The following THNSL1 variants were observed in gnomAD, a reference collection of about 807,000 sequenced individuals.
The protein encoded by THNSL1 is threonine synthase-like 1.
THNSL1 carries 48 observed loss-of-function variants against 50.4 expected under a neutral mutation model. The observed-to-expected ratio is 0.95, with a 90% CI of 0.76 to 1.21. THNSL1 has a LOEUF of 1.21. Among genes scored for constraint, THNSL1 ranks in the 50% most tolerant of loss-of-function variants. The pLI is 0.00. For synonymous variants in THNSL1, 309 were observed against 306.1 expected (o/e 1.01, Z -0.10); for missense variants, 896 against 871.7 (o/e 1.03, Z -0.35).
chr10:24,962,599 AC>A, the THNSL1 span, among the ~76,000 whole-genome samples: 2 of 152,210 alleles, frequency 1.3e-5, no homozygotes, highest in African/African-American at 4.8e-5. Flanking sequence ...AAGAAGTGTA[AC>A]ATACATGTTG....
the THNSL1 span, among the ~76,000 whole-genome samples, chr10:24,960,289 G>A: frequency 6.6e-6 from 1 of 152,118 alleles, no homozygotes; most frequent in African/African-American, 2.4e-5. Context: ...CAAAGGTATG[G>A]GCATACTGGG....
At chr10:24,998,997 T>TGGTAGTAATG in the THNSL1 span, among the ~76,000 whole-genome samples, 1 of 152,206 alleles carries the variant, frequency 6.6e-6, no homozygotes. Context: ...CTTCAACAAC[T>TGGTAGTAATG]GGTAGTAATG....
At chr10:25,020,270 A>ATATCTG (rs893036021) in intron 1 of THNSL1, among the ~76,000 whole-genome samples, 1 of 137,272 alleles carries the variant, frequency 7.3e-6, no homozygotes, top group African/African-American at 2.5e-5. Context: ...ATCTATATCT[A>ATATCTG]TATCTATATA....
the THNSL1 span, among the ~76,000 whole-genome samples, chr10:25,009,120 A>C: frequency 6.6e-6 from 1 of 152,012 alleles, no homozygotes; most frequent in African/African-American, 2.4e-5. Context: ...GTGGGAGGAG[A>C]GGGGAGGGAT....
At chr10:24,999,752 G>T in the THNSL1 span, among the ~76,000 whole-genome samples, 1 of 152,088 alleles carries the variant, frequency 6.6e-6, no homozygotes, top group African/African-American at 2.4e-5. Flanking sequence ...GAGGTGCTAG[G>T]GCAAAAGTGT....
the THNSL1 span, among the ~76,000 whole-genome samples, chr10:25,009,091 C>CA: frequency 2.6e-5 from 4 of 152,096 alleles, no homozygotes; most frequent in Admixed American, 6.6e-5. Context: ...GAACATCACA[C>CA]ACCGGGGACT....
the THNSL1 span, among the ~76,000 whole-genome samples, chr10:24,954,841 A>G: frequency 1.3e-5 from 2 of 152,224 alleles, no homozygotes; most frequent in African/African-American, 2.4e-5. Context: ...CCCAAATAGT[A>G]TTTGCAAAGA....
In THNSL1 at chr10:25,024,176, A is replaced by G. The variant is rs1480107624; in HGVS notation, c.953A>G (p.Tyr318Cys). 1.3e-5 allele frequency: 21 copies of G among 1,614,122 alleles called. No individual in the cohort carries two copies. Among genetic ancestry groups the G allele is most frequent in the Non-Finnish European group, 1.8e-5 (21 of 1,180,042 alleles). Reference protein sequence around the residue: ...ARLGEMIETAYGENFACSKIA... With the variant: ...ARLGEMIETACGENFACSKIA... ...TTGGGAGAAATGATTGAAACTGCTT[A>G]TGGGGAAAACTTTGCCTGCTCAAAA... The change falls in exon 3 of 3, where the codon TAT (tyrosine) becomes TGT (cysteine). Residue 318 changes from tyrosine to cysteine, a missense_variant. Transcript: ENST00000376356.
At chr10:24,955,984 G>A in the THNSL1 span, among the ~76,000 whole-genome samples, 82 of 151,982 alleles carry the variant, frequency 5.4e-4, 1 homozygote, top group African/African-American at 1.9e-3. Flanking sequence ...AAAGATTGAC[G>A]TAAGGTGACC....
chr10:24,975,211 A>C, the THNSL1 span, among the ~76,000 whole-genome samples: 2 of 152,200 alleles, frequency 1.3e-5, no homozygotes, highest in Non-Finnish European at 2.9e-5. Context: ...AACCTACGTT[A>C]GTCCAAAACA....
the THNSL1 span, chr10:24,995,800 C>T: frequency 6.2e-7 from 1 of 1,614,018 alleles, no homozygotes; most frequent in Non-Finnish European, 8.5e-7. Context: ...ACTCTGTATT[C>T]CCATGACAGG....
chr10:25,003,010 G>T, the THNSL1 span, among the ~76,000 whole-genome samples: 63 of 151,782 alleles, frequency 4.2e-4, no homozygotes, highest in East Asian at 7.2e-3. Context: ...TGAACTGAAA[G>T]CCTGTCCATC....
chr10:24,968,766 G>A, the THNSL1 span, among the ~76,000 whole-genome samples: 172 of 152,300 alleles, frequency 1.1e-3, no homozygotes, highest in African/African-American at 3.9e-3. Flanking sequence ...TTTCACCTAG[G>A]TATTCTGTAT....
chr10:24,977,229 T>A, the THNSL1 span, among the ~76,000 whole-genome samples: 2 of 152,240 alleles, frequency 1.3e-5, no homozygotes, highest in Admixed American at 1.3e-4. Context: ...ATAGGTGTAA[T>A]TCTTCTATAG....
chr10:25,005,551 C>G, the THNSL1 span, among the ~76,000 whole-genome samples: 1 of 152,180 alleles, frequency 6.6e-6, no homozygotes, highest in African/African-American at 2.4e-5. Flanking sequence ...CAGCATTACA[C>G]TATCGTGTGG....
At chr10:25,011,728 C>A (rs1850448608), upstream of THNSL1, among the ~76,000 whole-genome samples, 1 of 152,110 alleles carries the variant, frequency 6.6e-6, no homozygotes, top group Non-Finnish European at 1.5e-5. Flanking sequence ...CCAAAATTGA[C>A]AAATGGCAAC....
At chr10:24,955,445 T>C in the THNSL1 span, among the ~76,000 whole-genome samples, 1 of 152,228 alleles carries the variant, frequency 6.6e-6, no homozygotes, top group Non-Finnish European at 1.5e-5. Context: ...CAGTGTAATA[T>C]ACATCAATTT....
chr10:25,016,601 C>G (rs887330467), upstream of THNSL1: 2 of 152,298 alleles, frequency 1.3e-5, no homozygotes, highest in African/African-American at 4.8e-5. Flanking sequence ...CGAGGCCGCT[C>G]GGGGAAGGGC....
chr10:25,014,084 A>G (rs1398789987), upstream of THNSL1, among the ~76,000 whole-genome samples: 1 of 152,242 alleles, frequency 6.6e-6, no homozygotes, highest in African/African-American at 2.4e-5. Context: ...CTTAAGTCTC[A>G]GCCAATAGTT....
Sources: allele counts gnomAD v4.1 joint callset (sites outside exome capture counted in the v4.1 genomes callset), GRCh38; gene constraint gnomAD v4.1.1; transcripts MANE v1.5; gene names NCBI Gene and HGNC (gene_info 2026-07-23, HGNC 2026-07-21).